Variants in SNED1 observed in about 807,000 individuals in gnomAD.
The protein encoded by SNED1 is sushi, nidogen and EGF-like domain-containing protein 1.
A neutral mutation model predicts 166.7 loss-of-function variants in SNED1; 81 were observed. That is an observed-to-expected ratio of 0.49 (90% CI 0.41 to 0.58). SNED1 has a LOEUF of 0.58. Among genes scored for constraint, SNED1 ranks in the 20% least tolerant of loss-of-function variants. The probability of loss-of-function intolerance (pLI) is 0.00; values close to 1 mark genes in which losing one functional copy is unlikely to be tolerated. For synonymous variants in SNED1, 762 were observed against 822.0 expected (o/e 0.93, Z 1.25); for missense variants, 1,604 against 2,000.2 (o/e 0.80, Z 3.78).
chr2:240,998,824 CG>C lies in SNED1; in HGVS notation c.-13del. 1 of 1,185,246 alleles carries C rather than the reference CG, an allele frequency of 8.4e-7. No homozygotes were observed. Among genetic ancestry groups the C allele is most frequent in the South Asian group, 3.4e-5 (1 of 29,564 alleles). 73.4% of individuals were successfully genotyped at this position (1,185,246 alleles called of 1,614,324 possible). On this transcript the variant is annotated 5_prime_UTR_variant, in exon 1 of 32. Transcript: ENST00000310397. ...TGCTCCGCCAGCGCCCCGTCCCGCC[CG>C]CACACCTCCGCGATGCGGCACGGCG...
rs983306659 is a variant in SNED1, at chr2:241,018,308, C to A, written c.214-11976C>A. On this transcript the variant is annotated intron_variant, in intron 1 of 31. Transcript: ENST00000310397. This position sits in a 1 kb window ranked among gnomAD's most constrained non-coding sequence, Gnocchi z 5.4. ...AAGGTTGTGCCCACACATGCACTTA[C>A]ATGGGGGCACGTTTGGGTGCAGATA... Among the ~76,000 whole-genome samples the A allele has an allele frequency of 2.0e-5, 3 of 152,214 alleles. No individual in the cohort carries two copies. Among genetic ancestry groups the A allele is most frequent in the Admixed American group, 6.5e-5 (1 of 15,286 alleles).
At chr2:241,078,562 C>T (rs56170546) in intron 27 of SNED1, among the ~76,000 whole-genome samples, 5,316 of 151,620 alleles carry the variant, frequency 0.035, 436 homozygotes, top group African/African-American at 0.12. Flanking sequence ...TACTATGATT[C>T]CATTCATATG....
intron 2 of SNED1, among the ~76,000 whole-genome samples, chr2:241,032,690 T>A (rs1428756764): frequency 1.3e-5 from 2 of 152,228 alleles, no homozygotes; most frequent in African/African-American, 4.8e-5. Context: ...AGCTGTCATT[T>A]TCCAACTTTG....
intron 1 of SNED1, among the ~76,000 whole-genome samples, chr2:241,012,485 G>A (rs2060441638): frequency 6.6e-6 from 1 of 152,176 alleles, no homozygotes; most frequent in Non-Finnish European, 1.5e-5. Flanking sequence ...GGTGTTTTTA[G>A]GGTGGCTCAT....
At position 241,052,425 on chromosome 2, in the gene SNED1, C is replaced by T. The variant is rs763535572; in HGVS notation, c.2040C>T (p.Phe680=). ...GTCEDRDTDF[F]CHCQAGYMGR... is the part of the protein sequence containing the mutation. ...GCGAGGACCGGGACACGGATTTCTT[C>T]TGCCACTGCCAAGCAGGGTACATGG... Residue 680 remains phenylalanine (F), a synonymous_variant, in exon 15 of 32, where the codon TTC becomes TTT. Transcript: ENST00000310397. 1.9e-6 allele frequency: 3 copies of T among 1,607,938 alleles called. No homozygotes were observed. The Admixed American group carries it at 5.1e-5, about 27-fold the overall frequency.
rs1455674114 is a variant in SNED1 at position 241,048,593 on chromosome 2, A to G, written c.1400-69A>G. The G allele has an allele frequency of 1.2e-5, 18 of 1,511,254 alleles. No individual in the cohort carries two copies. In the East Asian group the frequency reaches 3.9e-4, roughly 33 times the overall value. The allele number at this position is 1,511,254 out of a possible 1,614,324, so 93.6% of individuals were successfully genotyped here. On this transcript the variant is annotated intron_variant, in intron 9 of 31. Coordinates refer to ENST00000310397, the MANE Select transcript of SNED1 (RefSeq NM_001080437.3). The stretch of plus-strand genomic sequence containing the variant: ...ATGGGAAGTTGGCCAGGAGCAGGGC[A>G]GGGTCTGGAGCGAGGGTGCCATCTT...
intron 1 of SNED1, among the ~76,000 whole-genome samples, chr2:241,011,429 G>T (rs919540287): frequency 6.6e-6 from 1 of 152,156 alleles, no homozygotes; most frequent in Non-Finnish European, 1.5e-5. Flanking sequence ...CTCAGCAGGT[G>T]TCTGAGGTGC....
intron 16 of SNED1, among the ~76,000 whole-genome samples, chr2:241,061,236 A>C (rs897124807): frequency 1.3e-5 from 2 of 152,238 alleles, no homozygotes; most frequent in Non-Finnish European, 2.9e-5. Context: ...TCATGGAAGA[A>C]GAGATACAAA....
At chr2:241,042,003 G>A (rs1355129377) in intron 8 of SNED1, among the ~76,000 whole-genome samples, 3 of 152,184 alleles carry the variant, frequency 2.0e-5, no homozygotes. Flanking sequence ...CAAATGAGGT[G>A]AGCCCTACAA....
chr2:241,085,012 C>T (rs959199424), intron 29 of SNED1, among the ~76,000 whole-genome samples: 5 of 151,552 alleles, frequency 3.3e-5, no homozygotes. Flanking sequence ...CTGTGTTACA[C>T]TGTATGGAAT....
intron 21 of SNED1, among the ~76,000 whole-genome samples, chr2:241,066,485 G>T (rs1373059128): frequency 6.6e-6 from 1 of 152,248 alleles, no homozygotes; most frequent in African/African-American, 2.4e-5. Flanking sequence ...ACCAAGTGGG[G>T]TGCAGGGCCA....
Position 241,030,451 on chromosome 2 carries a change from G to A in SNED1, c.381G>A (p.Leu127=). The part of the protein sequence containing the change: ...YYREATDPAM[L]RRATEDVRHY... ...GGGAGGCCACCGACCCAGCCATGCT[G>A]CGCCGAGCCACGGAGGACGTCAGGC... The change falls in exon 2 of 32, where the codon CTG becomes CTA. Residue 127 remains leucine, a synonymous_variant. Transcript: ENST00000310397. 1.9e-6 allele frequency: 3 copies of A among 1,613,666 alleles called. No individual in the cohort carries two copies. The East Asian group carries it at 6.7e-5, about 36-fold the overall frequency.
At chr2:241,057,212 C>G (rs2062074393) in intron 16 of SNED1, among the ~76,000 whole-genome samples, 1 of 151,512 alleles carries the variant, frequency 6.6e-6, no homozygotes, top group Non-Finnish European at 1.5e-5. Context: ...AACCCCATCT[C>G]TACTAAAAAT....
At position 241,048,438 on chromosome 2, in the gene SNED1, A is replaced by G; in HGVS notation, c.1397A>G (p.Glu466Gly). ...GGCTTCATGGGCCTGGACTGCAGGG[A>G]GAGTGCGTCTGGGCTGCAAGGGCTG... ...PEGFMGLDCR[E>G]RVPDDCECRN... The change falls in exon 9 of 32, where the codon GAG (glutamate) becomes GGG (glycine). Residue 466 changes from glutamate (E) to glycine (G), a missense_variant and splice_region_variant. By Grantham distance (98) the Glu-to-Gly change is moderately conservative (BLOSUM62 -2). Transcript: ENST00000310397. The G allele has an allele frequency of 6.2e-7, 1 of 1,600,444 alleles. No individual in the cohort carries two copies. Among genetic ancestry groups the G allele is most frequent in the Non-Finnish European group, 8.5e-7 (1 of 1,174,160 alleles).
intron 16 of SNED1, among the ~76,000 whole-genome samples, chr2:241,061,990 CCA>C (rs930981548): frequency 2.0e-5 from 3 of 152,096 alleles, no homozygotes; most frequent in African/African-American, 7.2e-5. Flanking sequence ...AATCTATGAA[CCA>C]CAGTGACCTA....
Position 241,030,234 on chromosome 2 carries a change from G to A in SNED1, c.214-50G>A, listed in dbSNP as rs770416530. On this transcript the variant is annotated intron_variant, in intron 1 of 31. Coordinates refer to ENST00000310397, the MANE Select transcript of SNED1 (RefSeq NM_001080437.3). ...GCTGGGGAGGCTGCTGGGCCCACCC[G>A]CCTGCCCACAGCCCCCAGTCAATCC... 56 of 1,487,284 alleles carry A rather than the reference G, an allele frequency of 3.8e-5. No individual in the cohort carries two copies. In the Admixed American group the frequency reaches 6.8e-4, roughly 18 times the overall value. The allele number at this position is 1,487,284 out of a possible 1,614,324, so 92.1% of individuals were successfully genotyped here.
intron 15 of SNED1, among the ~76,000 whole-genome samples, chr2:241,052,688 G>A (rs1318520358): frequency 7.0e-5 from 3 of 43,138 alleles, no homozygotes; most frequent in East Asian, 4.1e-3. Flanking sequence ...TGAGAGGGTC[G>A]GCGGGGGGGG....
At position 241,030,383 on chromosome 2, in the gene SNED1, T is replaced by G; in HGVS notation, c.313T>G (p.Trp105Gly). The G allele has an allele frequency of 6.2e-7, 1 of 1,612,736 alleles. No individual in the cohort carries two copies. The highest frequency in any genetic ancestry group is 8.5e-7 in the Non-Finnish European group (1 of 1,179,452). ...GGACCGCTGCGTGGTGGCAGCCTTC[T>G]GGGCAGATGTGGACAACCGGCGTGC... is the stretch of plus-strand genomic sequence containing the variant. ...AKDRCVVAAFWADVDNRRAGD... is the reference protein window; with the variant it reads ...AKDRCVVAAFGADVDNRRAGD... The change falls in exon 2 of 32, where the codon TGG (tryptophan) becomes GGG (glycine). Residue 105 changes from tryptophan to glycine, a missense_variant. Trp to Gly is a radical substitution (Grantham distance 184, BLOSUM62 -2). This residue lies in a region of SNED1 where 1,237 missense variants were observed against 1,620.8 expected (regional missense o/e 0.76). Transcript: ENST00000310397.
intron 29 of SNED1, among the ~76,000 whole-genome samples, chr2:241,086,467 A>G (rs10188678): frequency 0.17 from 25,219 of 152,042 alleles, 2,999 homozygotes; most frequent in African/African-American, 0.34. Flanking sequence ...CTGTGATGCC[A>G]TCCAAAAACT....
Sources: allele counts gnomAD v4.1 joint callset (sites outside exome capture counted in the v4.1 genomes callset), GRCh38; gene constraint gnomAD v4.1.1; regional missense constraint gnomAD v4.1.1; non-coding constraint Gnocchi (gnomAD v3.1); transcripts MANE v1.5; gene names NCBI Gene and HGNC (gene_info 2026-07-23, HGNC 2026-07-21).